Variants in TAF6L observed in about 807,000 individuals in gnomAD.
TAF6L encodes the protein TAF6-like RNA polymerase II p300/CBP-associated factor-associated factor 65 kDa subunit 6L.
Under a neutral mutation model 57.3 loss-of-function variants are expected in TAF6L, and 34 were observed. That is an observed-to-expected ratio of 0.59 (90% CI 0.45 to 0.79). The LOEUF (loss-of-function observed/expected upper bound fraction) is 0.79, where lower values mean the gene tolerates loss of function less well. Ranked by LOEUF, TAF6L falls within the 30% of genes least tolerant of loss-of-function variation. The pLI, the probability that TAF6L is intolerant of heterozygous loss-of-function variation, is 0.00. For missense variants in TAF6L, 782 were observed against 853.2 expected (o/e 0.92, Z 1.04); for synonymous variants, 417 against 376.3 (o/e 1.11, Z -1.25).
chr11:62,786,858 A>T lies in TAF6L; in HGVS notation c.1431A>T (p.Ala477=). 1 of 1,593,342 alleles carries T rather than the reference A, an allele frequency of 6.3e-7. No individual in the cohort carries two copies. Among genetic ancestry groups the T allele is most frequent in the Non-Finnish European group, 8.5e-7 (1 of 1,176,564 alleles). The change falls in exon 11 of 11, where the codon GCA becomes GCT. Residue 477 remains alanine, a synonymous_variant. Transcript: ENST00000294168. The part of the protein sequence containing the change: ...RPPGDKKEPA[A]APDSVRKMPQ... ...CCGGGGACAAGAAGGAGCCGGCGGCAGCCCCGGACTCGGTGCGGAAGATGC... is the reference window on the plus strand; with the variant it reads ...CCGGGGACAAGAAGGAGCCGGCGGCTGCCCCGGACTCGGTGCGGAAGATGC...
chr11:62,779,020 T>G (rs74513426), intron 6 of TAF6L, 57 bp downstream of exon 6: 2 of 294,864 alleles, frequency 6.8e-6, no homozygotes, highest in South Asian at 6.8e-5. Flanking sequence ...TCTAGACCTG[T>G]TTTTTTTTTT....
rs765899115 is a variant in TAF6L, at chr11:62,786,304, A to C, written c.1005A>C (p.Thr335=). 6.8e-6 allele frequency: 11 copies of C among 1,614,180 alleles called. No homozygotes were observed. The South Asian group carries it at 8.8e-5, about 13-fold the overall frequency. The part of the protein sequence containing the change: ...VLYPHLSTYW[T]NLQAVLDDYS... ...ACCCACACCTGTCCACCTACTGGAC[A>C]AACTTGCAGGCTGTGCTGGATGATT... The change falls in exon 10 of 11, where the codon ACA becomes ACC. Residue 335 remains threonine, a synonymous_variant. Transcript: ENST00000294168.
Position 62,787,332 on chromosome 11 carries a change from G to GC in TAF6L, c.*41dup, listed in dbSNP as rs750969404. ...CCTTCGTTCCTTGTAAATAAATCCCGCCCCCGGAAATGACGTCTCCACCTT... is the reference window on the plus strand; with the variant it reads ...CCTTCGTTCCTTGTAAATAAATCCCGCCCCCCGGAAATGACGTCTCCACCTT... On this transcript the variant is annotated 3_prime_UTR_variant, in exon 11 of 11. Coordinates refer to ENST00000294168, the MANE Select transcript of TAF6L (RefSeq NM_006473.4). The GC allele has an allele frequency of 3.7e-5, 57 of 1,522,416 alleles. No individual in the cohort carries two copies. In the South Asian group the frequency reaches 4.6e-4, roughly 12 times the overall value. 94.3% of individuals were successfully genotyped at this position (1,522,416 alleles called of 1,614,324 possible). A position where few individuals can be genotyped will look rare whatever the true frequency, so the allele number is the denominator to read the frequency against.
At chr11:62,781,052 A>G (rs1278466620) in intron 6 of TAF6L, among the ~76,000 whole-genome samples, 2 of 151,516 alleles carry the variant, frequency 1.3e-5, no homozygotes, top group Non-Finnish European at 2.9e-5. Flanking sequence ...CCTGGTCAAC[A>G]TGGCAAAACC....
chr11:62,777,844 C>G (rs111370542), intron 3 of TAF6L, 134 bp from the exon 4 acceptor site: 12,168 of 1,094,766 alleles, frequency 0.011, 104 homozygotes, highest in Non-Finnish European at 0.014. Context: ...CCCAGGCTTC[C>G]ACCACTTTTC....
intron 9 of TAF6L, among the ~76,000 whole-genome samples, chr11:62,784,662 C>T (rs1410254125): frequency 1.3e-5 from 2 of 152,124 alleles, no homozygotes; most frequent in African/African-American, 4.8e-5. Flanking sequence ...GGTTTTTCTG[C>T]ATCTTTTGAA....
rs1293679844 is a variant in TAF6L, at chr11:62,786,997, T to G, written c.1570T>G (p.Leu524Val). The change falls in exon 11 of 11, where the codon TTG (leucine) becomes GTG (valine). Residue 524 changes from leucine (L) to valine (V), a missense_variant. Physicochemically the swap from Leu to Val is conservative, Grantham distance 32 (BLOSUM62 1). Around this residue, in one of 3 missense-constraint regions of TAF6L, gnomAD observed 483 missense variants for 445.1 expected, o/e 1.09. Coordinates refer to ENST00000294168, the MANE Select transcript of TAF6L (RefSeq NM_006473.4). ...GCCCGCCGCCTCTGAGAGCAGGCCC[T>G]TGCCGCGCGTGCATCGGGCGCGCGG... Reference protein sequence around the residue: ...SGPAASESRPLPRVHRARGAP... With the variant: ...SGPAASESRPVPRVHRARGAP... 2 of 1,481,700 alleles carry G rather than the reference T, an allele frequency of 1.3e-6. No homozygotes were observed. The highest frequency in any genetic ancestry group is 1.8e-6 in the Non-Finnish European group (2 of 1,125,982). 91.8% of individuals were successfully genotyped at this position (1,481,700 alleles called of 1,614,324 possible). A position where few individuals can be genotyped will look rare whatever the true frequency, so the allele number is the denominator to read the frequency against.
intron 1 of TAF6L, among the ~76,000 whole-genome samples, chr11:62,775,062 CAAAA>C (rs35218634): frequency 4.8e-5 from 3 of 62,790 alleles, no homozygotes; most frequent in Non-Finnish European, 1.1e-4. Context: ...GACTCTGTCT[CAAAA>C]AAAAAAAAAA....
In TAF6L at chr11:62,778,039, T is replaced by C; in HGVS notation, c.296T>C (p.Leu99Pro). Residue 99 changes from leucine (L) to proline (P), a missense_variant, in exon 4 of 11, where the codon CTC (leucine) becomes CCC (proline). By Grantham distance (98) the Leu-to-Pro change is moderately conservative (BLOSUM62 -3). Around this residue, in one of 3 missense-constraint regions of TAF6L, gnomAD observed 220 missense variants for 252.1 expected, o/e 0.87. Coordinates refer to ENST00000294168, the MANE Select transcript of TAF6L (RefSeq NM_006473.4). ...LPMRPAREGE[L>P]YFPEDREVNL... is the part of the protein sequence containing the mutation. Reference sequence around the variant, plus strand: ...ATGCGCCCCGCCAGGGAGGGTGAACTCTACTTTCCTGAGGATCGAGAGGTG... The same window carrying C: ...ATGCGCCCCGCCAGGGAGGGTGAACCCTACTTTCCTGAGGATCGAGAGGTG... The C allele has an allele frequency of 6.2e-7, 1 of 1,614,148 alleles. No individual in the cohort carries two copies.
chr11:62,786,470 C>G lies in TAF6L; in HGVS notation c.1090-47C>G, dbSNP rs373550641. Reference sequence around the variant, plus strand: ...GCTTACTTTGGAATATTTGATGGGCCCAGGTTCCTCGAATTTTTTGCCTAT... The same window carrying G: ...GCTTACTTTGGAATATTTGATGGGCGCAGGTTCCTCGAATTTTTTGCCTAT... On this transcript the variant is annotated intron_variant, in intron 10 of 10. Transcript: ENST00000294168. 194 of 1,585,080 alleles carry G rather than the reference C, an allele frequency of 1.2e-4. No individual in the cohort carries two copies. The African/African-American group carries it at 2.4e-3, about 20-fold the overall frequency.
chr11:62,784,631 T>G (rs918098697), intron 9 of TAF6L, among the ~76,000 whole-genome samples: 1 of 152,184 alleles, frequency 6.6e-6, no homozygotes, highest in African/African-American at 2.4e-5. Flanking sequence ...ATCATCAATT[T>G]ATATTGGATT....
rs775928932 is a variant in TAF6L at position 62,782,083 on chromosome 11, T to TGGGGA, written c.607-30_607-29insGGGGA. Reference sequence around the variant, plus strand: ...GTGGGCTCCTGCCTGTCCCCTCATGTCCCTGTAAGCTACCCTCTTCTCCCA... The same window carrying TGGGGA: ...GTGGGCTCCTGCCTGTCCCCTCATGTGGGGACCCTGTAAGCTACCCTCTTCTCCCA... On this transcript the variant is annotated intron_variant, in intron 7 of 10. Coordinates refer to ENST00000294168, the MANE Select transcript of TAF6L (RefSeq NM_006473.4). 2.5e-6 allele frequency: 4 copies of TGGGGA among 1,591,262 alleles called. No homozygotes were observed. In the East Asian group the frequency reaches 6.7e-5, roughly 27 times the overall value.
At position 62,780,195 on chromosome 11, in the gene TAF6L, G is replaced by A. The variant is rs1211276748; in HGVS notation, c.531+1232G>A. ...TAACTGGCTGTTGTGGTGGGTGCCT[G>A]TAATCCCAGCTACTCGGGAGGCTGA... On this transcript the variant is annotated intron_variant, in intron 6 of 10. Coordinates refer to ENST00000294168, the MANE Select transcript of TAF6L (RefSeq NM_006473.4). Among the ~76,000 whole-genome samples, 3 of 151,588 alleles carry A rather than the reference G, an allele frequency of 2.0e-5. No individual in the cohort carries two copies. In the East Asian group the frequency reaches 5.9e-4, roughly 30 times the overall value.
At chr11:62,783,235 C>T (rs1412796625) in intron 9 of TAF6L, among the ~76,000 whole-genome samples, 2 of 152,186 alleles carry the variant, frequency 1.3e-5, no homozygotes, top group Non-Finnish European at 2.9e-5. Context: ...GTAATCCCAG[C>T]ACTTTGGGAG....
intron 6 of TAF6L, among the ~76,000 whole-genome samples, chr11:62,779,976 A>ATATATATATTTTTTTTTTT (rs1294367864): frequency 1.9e-5 from 1 of 52,630 alleles, no homozygotes; most frequent in African/African-American, 7.7e-5. Flanking sequence ...ATATATATAT[A>ATATATATATTTTTTTTTTT]TTTTTTTTTT....
Position 62,786,287 on chromosome 11 carries a change from C to T in TAF6L, c.988C>T (p.Leu330=). 1 of 1,614,118 alleles carries T rather than the reference C, an allele frequency of 6.2e-7. No homozygotes were observed. Among genetic ancestry groups the T allele is most frequent in the Non-Finnish European group, 8.5e-7 (1 of 1,179,976 alleles). Residue 330 remains leucine, a synonymous_variant, in exon 10 of 11, where the codon CTG becomes TTG. Coordinates refer to ENST00000294168, the MANE Select transcript of TAF6L (RefSeq NM_006473.4). ...AGTAGAACGAGTCCTGTACCCACACCTGTCCACCTACTGGACAAACTTGCA... is the reference window on the plus strand; with the variant it reads ...AGTAGAACGAGTCCTGTACCCACACTTGTCCACCTACTGGACAAACTTGCA... The part of the protein sequence containing the change: ...KAVERVLYPH[L]STYWTNLQAV...
chr11:62,782,007 G>A, intron 7 of TAF6L, 39 bp downstream of exon 7: 1 of 1,610,704 alleles, frequency 6.2e-7, no homozygotes, highest in Non-Finnish European at 8.5e-7. Flanking sequence ...TGTTTTATAA[G>A]GAAGAGATGA....
intron 1 of TAF6L, chr11:62,771,817 A>C (rs991640725): frequency 3.5e-6 from 1 of 287,628 alleles, no homozygotes; most frequent in Non-Finnish European, 6.9e-6. Context: ...GTGTACGGTC[A>C]TATAATAGGG....
chr11:62,776,343 T>C, intron 2 of TAF6L, 41 bp from the exon 3 acceptor site: 2 of 1,607,212 alleles, frequency 1.2e-6, no homozygotes, highest in Non-Finnish European at 1.7e-6. Context: ...TGCCCCCTGC[T>C]TCACATCCTT....
Sources: allele counts gnomAD v4.1 joint callset (sites outside exome capture counted in the v4.1 genomes callset), GRCh38; gene constraint gnomAD v4.1.1; regional missense constraint gnomAD v4.1.1; transcripts MANE v1.5; gene names NCBI Gene and HGNC (gene_info 2026-07-23, HGNC 2026-07-21).